The following LMF1 variants were observed in gnomAD, a reference collection of about 807,000 sequenced individuals.
LMF1 encodes the protein lipase maturation factor 1, also known as transmembrane protein 112.
In LMF1, 68 loss-of-function variants were observed where a neutral mutation model predicts 60.6. The observed-to-expected ratio is 1.12, with a 90% CI of 0.92 to 1.37. The LOEUF is 1.37. Among genes scored for constraint, LMF1 ranks in the 40% most tolerant of loss-of-function variants. LMF1 has a pLI of 0.00. For synonymous variants in LMF1, 418 were observed against 324.7 expected (o/e 1.29, Z -3.09); for missense variants, 948 against 767.2 (o/e 1.24, Z -2.78).
In LMF1 at chr16:870,749, G is replaced by A. The variant is rs1450230693; in HGVS notation, c.1212C>T (p.Asn404=). 6.2e-7 allele frequency: 1 copy of A among 1,612,900 alleles called. No individual in the cohort carries two copies. The highest frequency in any genetic ancestry group is 8.5e-7 in the Non-Finnish European group (1 of 1,179,812). Residue 404 remains asparagine (N), a synonymous_variant, in exon 8 of 11, where the codon AAC becomes AAT. Transcript: ENST00000262301. The part of the protein sequence containing the change: ...NTHFNSLHIV[N]TYGAFGSITK... The stretch of plus-strand genomic sequence containing the variant: ...CATACCTTCCGAAGGCCCCGTAAGT[G>A]TTGACGATGTGAAGAGAGTTGAAGT...
upstream of LMF1, chr16:981,590 G>T (rs1256609633): frequency 6.8e-6 from 1 of 147,912 alleles, no homozygotes. Context: ...ACGTGGTGCG[G>T]CGCCGGGCGG....
chr16:889,718 T>C (rs1327458340), intron 5 of LMF1, among the ~76,000 whole-genome samples: 3 of 152,172 alleles, frequency 2.0e-5, no homozygotes, highest in Admixed American at 1.3e-4. Context: ...GCTCGGGGGT[T>C]GCAGGCAGGG....
intron 2 of LMF1, among the ~76,000 whole-genome samples, chr16:937,520 C>CAGGCTGCTGGGGTCTCTGTTGACT (rs1567275944): frequency 3.3e-5 from 5 of 149,384 alleles, no homozygotes; most frequent in Admixed American, 2.0e-4. Context: ...CTCTGTTGAC[C>CAGGCTGCTGGGGTCTCTGTTGACT]GACAGGCTGC....
rs551828764 is a variant in LMF1 at position 858,494 on chromosome 16, T to G, written c.1530-3788A>C. Among the ~76,000 whole-genome samples the G allele has an allele frequency of 6.0e-5, 2 of 33,128 alleles. 1 individual carries two copies. The highest frequency in any genetic ancestry group is 9.3e-5 in the Non-Finnish European group (2 of 21,582). 21.7% of individuals were successfully genotyped at this position (33,128 alleles called of 152,430 possible). ...GTGCAGTGGTGACTCGGGACGGGTG[T>G]GCGTGGTGTCTCGGGACGGGTGTGC... On this transcript the variant is annotated intron_variant, in intron 10 of 10. Transcript: ENST00000262301.
At chr16:933,714 G>A in intron 3 of LMF1, 2 of 312,592 alleles carry the variant, frequency 6.4e-6, no homozygotes, top group South Asian at 5.9e-5. Flanking sequence ...GAGGCCTCCG[G>A]GCCCAATGGA....
At chr16:932,324 C>T (rs1240553329) in intron 3 of LMF1, among the ~76,000 whole-genome samples, 1 of 152,230 alleles carries the variant, frequency 6.6e-6, no homozygotes, top group African/African-American at 2.4e-5. Context: ...CCTCGCAGGC[C>T]CATCTCTCAC....
chr16:891,165 G>GC (rs1246478529), intron 5 of LMF1, among the ~76,000 whole-genome samples: 2 of 152,116 alleles, frequency 1.3e-5, no homozygotes, highest in Non-Finnish European at 2.9e-5. Flanking sequence ...GCAGCTGTGG[G>GC]CCCCCCCGGC....
intron 10 of LMF1, chr16:855,658 C>T (rs1467921644): frequency 2.2e-6 from 1 of 454,528 alleles, no homozygotes. Context: ...TGCTGCCTGG[C>T]TGGGATCCAT....
chr16:882,045 G>C (rs1387942986), intron 5 of LMF1, among the ~76,000 whole-genome samples: 1 of 152,180 alleles, frequency 6.6e-6, no homozygotes, highest in South Asian at 2.1e-4. Context: ...TTTGTGTCCC[G>C]AAGTGGTAAT....
At chr16:907,626 A>G (rs2071003234) in intron 4 of LMF1, among the ~76,000 whole-genome samples, 1 of 151,970 alleles carries the variant, frequency 6.6e-6, no homozygotes, top group Non-Finnish European at 1.5e-5. Flanking sequence ...CTGGTTTCTG[A>G]GTGAATCCGC....
At chr16:873,414 G>C (rs796564660) in intron 6 of LMF1, 3 of 152,448 alleles carry the variant, frequency 2.0e-5, no homozygotes, top group African/African-American at 4.8e-5. Flanking sequence ...CACAGGAAGA[G>C]GAGCTTGAGG....
intron 4 of LMF1, chr16:901,088 GA>G (rs1327568271): frequency 2.6e-5 from 4 of 151,288 alleles, no homozygotes; most frequent in Non-Finnish European, 4.4e-5. Context: ...GGAGGGTTGG[GA>G]GGGGGAAGGT....
Position 859,099 on chromosome 16 carries a change from G to C in LMF1, c.1530-4393C>G, listed in dbSNP as rs1282258754. Among the ~76,000 whole-genome samples, 4 of 133,476 alleles carry C rather than the reference G, an allele frequency of 3.0e-5. No individual in the cohort carries two copies. In the East Asian group the frequency reaches 6.6e-4, roughly 22 times the overall value. 87.6% of individuals were successfully genotyped at this position (133,476 alleles called of 152,430 possible). A position where few individuals can be genotyped will look rare whatever the true frequency, so the allele number is the denominator to read the frequency against. On this transcript the variant is annotated intron_variant, in intron 10 of 10. Transcript: ENST00000262301. ...CGGGTGTGAGTGGTGTCTCGGGACG[G>C]GTGTGCAGTGATGTCTCGGGACGGG...
intron 4 of LMF1, 78 bp downstream of exon 4, chr16:910,853 C>A: frequency 6.3e-7 from 1 of 1,575,894 alleles, no homozygotes. Flanking sequence ...AGGAAACAGC[C>A]TCACCTCTCC....
chr16:860,107 G>A lies in LMF1; in HGVS notation c.1530-5401C>T, dbSNP rs78725075. On this transcript the variant is annotated intron_variant, in intron 10 of 10. Coordinates refer to ENST00000262301, the MANE Select transcript of LMF1 (RefSeq NM_022773.4). Reference sequence around the variant, plus strand: ...TCTAATAAGATTATTTTAGTATTAAGTTATGAAACTTCTTTACATATTCCA... The same window carrying A: ...TCTAATAAGATTATTTTAGTATTAAATTATGAAACTTCTTTACATATTCCA... Among the ~76,000 whole-genome samples, 529 of 151,214 alleles carry A rather than the reference G, an allele frequency of 3.5e-3. 4 individuals carry two copies. The highest frequency in any genetic ancestry group is 0.011 in the African/African-American group (455 of 40,520).
At chr16:931,970 A>T (rs1035549922) in intron 3 of LMF1, among the ~76,000 whole-genome samples, 1 of 152,258 alleles carries the variant, frequency 6.6e-6, no homozygotes, top group African/African-American at 2.4e-5. Flanking sequence ...CAAACGCAGA[A>T]GACTGACTTC....
intron 10 of LMF1, among the ~76,000 whole-genome samples, chr16:860,344 G>GTT (rs200532346): frequency 6.2e-5 from 9 of 145,006 alleles, no homozygotes; most frequent in African/African-American, 1.0e-4. Context: ...TTTCCTGAAA[G>GTT]TTTTTTTTTT....
At chr16:915,728 G>T (rs753975566) in intron 3 of LMF1, among the ~76,000 whole-genome samples, 1 of 152,254 alleles carries the variant, frequency 6.6e-6, no homozygotes, top group South Asian at 2.1e-4. Context: ...TTTTCCGGAC[G>T]GAAGTCCTGG....
chr16:926,190 G>A (rs1012445177), intron 3 of LMF1, among the ~76,000 whole-genome samples: 2 of 151,794 alleles, frequency 1.3e-5, no homozygotes, highest in Non-Finnish European at 1.5e-5. Context: ...ATTTGCATAT[G>A]ATCTGCATAC....
Sources: allele counts gnomAD v4.1 joint callset (sites outside exome capture counted in the v4.1 genomes callset), GRCh38; gene constraint gnomAD v4.1.1; transcripts MANE v1.5; gene names NCBI Gene and HGNC (gene_info 2026-07-23, HGNC 2026-07-21).